Variants in PARD3 observed in about 807,000 individuals in gnomAD.
PARD3 encodes partitioning defective 3 homolog.
A neutral mutation model predicts 155.4 loss-of-function variants in PARD3; 75 were observed. The observed-to-expected ratio is 0.48, with a 90% CI of 0.40 to 0.58. The LOEUF (loss-of-function observed/expected upper bound fraction) is 0.58. PARD3 is among the 20% of genes least tolerant of loss of function. PARD3 has a pLI of 0.00. For missense variants in PARD3, 1,642 were observed against 1,721.7 expected (o/e 0.95, Z 0.82); for synonymous variants, 576 against 610.5 (o/e 0.94, Z 0.83).
At chr10:34,214,193 C>T (rs1951890928) in intron 22 of PARD3, among the ~76,000 whole-genome samples, 2 of 152,298 alleles carry the variant, frequency 1.3e-5, no homozygotes, top group African/African-American at 4.8e-5. Context: ...AGCCATCGTG[C>T]TGGCCTTATA....
At chr10:34,420,297 C>T (rs930101641) in intron 5 of PARD3, among the ~76,000 whole-genome samples, 5 of 152,166 alleles carry the variant, frequency 3.3e-5, no homozygotes, top group Non-Finnish European at 5.9e-5. Context: ...CAATTAGCAT[C>T]CTTATTCACG....
At chr10:34,159,384 C>T (rs1287151756) in intron 22 of PARD3, among the ~76,000 whole-genome samples, 1 of 152,174 alleles carries the variant, frequency 6.6e-6, no homozygotes, top group Non-Finnish European at 1.5e-5. Flanking sequence ...AGTGTGTGCA[C>T]TCAGGCAGAT....
intron 2 of PARD3, among the ~76,000 whole-genome samples, chr10:34,676,837 T>C (rs1243189416): frequency 6.6e-6 from 1 of 152,188 alleles, no homozygotes; most frequent in African/African-American, 2.4e-5. Flanking sequence ...CTATGATTTT[T>C]CGAAAGGGAA....
intron 1 of PARD3, among the ~76,000 whole-genome samples, chr10:34,701,525 G>C (rs1409503553): frequency 6.6e-6 from 1 of 152,158 alleles, no homozygotes; most frequent in East Asian, 1.9e-4. Flanking sequence ...AAGCCAAGAA[G>C]CAGCAAGACT....
intron 22 of PARD3, among the ~76,000 whole-genome samples, chr10:34,138,012 T>G (rs185122398): frequency 2.0e-5 from 3 of 152,272 alleles, no homozygotes; most frequent in Admixed American, 2.0e-4. Context: ...AAATAAAGTA[T>G]GGATGGATTT....
chr10:34,302,943 TC>T (rs1351235170), intron 20 of PARD3, among the ~76,000 whole-genome samples: 19 of 151,838 alleles, frequency 1.3e-4, no homozygotes, highest in Non-Finnish European at 1.9e-4. Flanking sequence ...CACCACTAAA[TC>T]CCCAACACCT....
intron 6 of PARD3, 71 bp downstream of exon 6, chr10:34,401,755 T>C (rs1843905862): frequency 2.1e-6 from 2 of 966,276 alleles, no homozygotes; most frequent in South Asian, 2.6e-5. Context: ...CCATATGCTT[T>C]CAGAATACTT....
intron 7 of PARD3, among the ~76,000 whole-genome samples, chr10:34,394,894 T>C (rs972343649): frequency 2.0e-5 from 3 of 150,780 alleles, no homozygotes; most frequent in East Asian, 3.9e-4. Flanking sequence ...TATGGTCCTG[T>C]AGACCAATAC....
At chr10:34,642,599 G>A (rs1036183595) in intron 2 of PARD3, among the ~76,000 whole-genome samples, 5 of 151,814 alleles carry the variant, frequency 3.3e-5, no homozygotes, top group Admixed American at 6.6e-5. Context: ...ACCCCCACTC[G>A]GCATGCCCCA....
At chr10:34,694,907 A>T (rs546183276) in intron 2 of PARD3, among the ~76,000 whole-genome samples, 1 of 152,308 alleles carries the variant, frequency 6.6e-6, no homozygotes, top group Non-Finnish European at 1.5e-5. Flanking sequence ...AACAAGACAC[A>T]ACAGCTGTGT....
At chr10:34,364,802 A>G (rs1269346571) in intron 12 of PARD3, among the ~76,000 whole-genome samples, 1 of 152,216 alleles carries the variant, frequency 6.6e-6, no homozygotes, top group Admixed American at 6.5e-5. Flanking sequence ...AAAGATAAGC[A>G]GTCTGCATCA....
intron 2 of PARD3, among the ~76,000 whole-genome samples, chr10:34,684,412 T>C (rs2093904421): frequency 6.6e-6 from 1 of 152,170 alleles, no homozygotes; most frequent in Admixed American, 6.5e-5. Context: ...TAGTCCCAAA[T>C]ATCCAGCTGC....
Position 34,815,108 on chromosome 10 carries a change from G to A in PARD3, c.-113C>T. The A allele has an allele frequency of 1.8e-6, 1 of 541,702 alleles. No homozygotes were observed. The highest frequency in any genetic ancestry group is 2.4e-6 in the Non-Finnish European group (1 of 415,834). The allele number at this position is 541,702 out of a possible 1,614,324, so 33.6% of individuals were successfully genotyped here. On this transcript the variant is annotated 5_prime_UTR_variant, in exon 1 of 25. Coordinates refer to ENST00000374788, the MANE Select transcript of PARD3 (RefSeq NM_001184785.2). The stretch of plus-strand genomic sequence containing the variant: ...AGCCGCTGGGGACTCGGGCGCGCGG[G>A]CGGCTAGGGGCGCGGGCAGGCGGCG...
intron 20 of PARD3, among the ~76,000 whole-genome samples, chr10:34,303,436 T>C (rs1336720100): frequency 6.6e-6 from 1 of 151,514 alleles, no homozygotes; most frequent in South Asian, 2.1e-4. Flanking sequence ...AAGAAAATGA[T>C]TTTATTTTTG....
At chr10:34,322,914 A>G (rs926710995) in intron 19 of PARD3, among the ~76,000 whole-genome samples, 1 of 152,220 alleles carries the variant, frequency 6.6e-6, no homozygotes, top group Non-Finnish European at 1.5e-5. Flanking sequence ...TAAAGGATGA[A>G]ATGTAAAAAT....
intron 20 of PARD3, among the ~76,000 whole-genome samples, chr10:34,304,318 A>C (rs1047410177): frequency 6.6e-6 from 1 of 151,348 alleles, no homozygotes; most frequent in Non-Finnish European, 1.5e-5. Context: ...CAACAAAGTG[A>C]GTCCCCATCT....
At chr10:34,348,524 A>G (rs2134373461) in intron 14 of PARD3, among the ~76,000 whole-genome samples, 1 of 152,324 alleles carries the variant, frequency 6.6e-6, no homozygotes, top group East Asian at 1.9e-4. Flanking sequence ...CAATTTAGCT[A>G]TAGGTCTTAA....
chr10:34,116,387 CT>C lies in PARD3; in HGVS notation c.3668+3225del, dbSNP rs1294262599. Among the ~76,000 whole-genome samples the C allele has an allele frequency of 7.4e-4, 113 of 152,344 alleles. 1 individual carries two copies. Among genetic ancestry groups the C allele is most frequent in the African/African-American group, 2.7e-3 (113 of 41,574 alleles). ...CATACCAACTTGTTTAGACAAAACTCTGTTAATTGTCAACATCCGAAAAGCA... is the reference window on the plus strand; with the variant it reads ...CATACCAACTTGTTTAGACAAAACTCGTTAATTGTCAACATCCGAAAAGCA... On this transcript the variant is annotated intron_variant, in intron 24 of 24. Transcript: ENST00000374788.
At chr10:34,670,006 C>G (rs566046798) in intron 2 of PARD3, among the ~76,000 whole-genome samples, 1 of 152,172 alleles carries the variant, frequency 6.6e-6, no homozygotes, top group Admixed American at 6.5e-5. Flanking sequence ...ATGGCTAACA[C>G]GAACAAAGTC....
Sources: allele counts gnomAD v4.1 joint callset (sites outside exome capture counted in the v4.1 genomes callset), GRCh38; gene constraint gnomAD v4.1.1; transcripts MANE v1.5; gene names NCBI Gene and HGNC (gene_info 2026-07-23, HGNC 2026-07-21).